Variants in CCDC178 observed in about 807,000 individuals in gnomAD.
CCDC178 encodes coiled-coil domain-containing protein 178.
In CCDC178, 126 loss-of-function variants were observed where a neutral mutation model predicts 117.4. That is an observed-to-expected ratio of 1.07 (90% CI 0.93 to 1.24). The LOEUF is 1.24. CCDC178 is among the 50% of genes most tolerant of loss of function. The probability of loss-of-function intolerance (pLI) is 0.00; values close to 1 mark genes in which losing one functional copy is unlikely to be tolerated. For synonymous variants in CCDC178, 283 were observed against 313.4 expected (o/e 0.90, Z 1.02); for missense variants, 1,030 against 986.9 (o/e 1.04, Z -0.59).
intron 15 of CCDC178, among the ~76,000 whole-genome samples, chr18:33,235,114 A>G (rs2059412112): frequency 6.6e-6 from 1 of 152,140 alleles, no homozygotes; most frequent in Admixed American, 6.6e-5. Flanking sequence ...GAGGTGAACA[A>G]ATAGTAGTTG....
chr18:33,086,847 A>C (rs1299617172), intron 21 of CCDC178, among the ~76,000 whole-genome samples: 1 of 152,020 alleles, frequency 6.6e-6, no homozygotes, highest in Non-Finnish European at 1.5e-5. Context: ...TGTGCATTGT[A>C]GGATGATTAG....
intron 11 of CCDC178, among the ~76,000 whole-genome samples, chr18:33,314,944 T>C (rs2062396313): frequency 6.6e-6 from 1 of 152,178 alleles, no homozygotes; most frequent in African/African-American, 2.4e-5. Flanking sequence ...TTAAAATACA[T>C]GACATCCTGG....
chr18:33,424,805 C>A (rs766551571), intron 2 of CCDC178, among the ~76,000 whole-genome samples: 11 of 152,126 alleles, frequency 7.2e-5, no homozygotes, highest in Non-Finnish European at 4.4e-5. Flanking sequence ...AGAGAGCTAG[C>A]GTAAGACAGC....
At chr18:32,980,312 G>T (rs987020072) in intron 21 of CCDC178, among the ~76,000 whole-genome samples, 2 of 151,810 alleles carry the variant, frequency 1.3e-5, no homozygotes, top group Non-Finnish European at 2.9e-5. Flanking sequence ...GGCCGGGCGC[G>T]GTGGCTCACG....
chr18:32,949,832 C>T (rs1598720445), intron 22 of CCDC178, among the ~76,000 whole-genome samples: 1 of 151,984 alleles, frequency 6.6e-6, no homozygotes, highest in East Asian at 1.9e-4. Context: ...TTTCATATTC[C>T]TATATATATA....
chr18:33,335,949 G>T (rs910082483), intron 9 of CCDC178, among the ~76,000 whole-genome samples: 10 of 152,160 alleles, frequency 6.6e-5, no homozygotes, highest in African/African-American at 2.2e-4. Flanking sequence ...TTTCGTGCCT[G>T]GGTTGAAATT....
intron 8 of CCDC178, 131 bp from the exon 9 acceptor site, chr18:33,346,542 C>CCTTTTAAAAAA (rs2062896703): frequency 2.4e-6 from 1 of 419,980 alleles, no homozygotes; most frequent in Admixed American, 4.4e-5. Context: ...AAATGAATTA[C>CCTTTTAAAAAA]CTTTTAAAAA....
intron 20 of CCDC178, among the ~76,000 whole-genome samples, chr18:33,153,956 A>C (rs571563071): frequency 6.6e-6 from 1 of 152,206 alleles, no homozygotes; most frequent in Non-Finnish European, 1.5e-5. Flanking sequence ...ATTTTGTATC[A>C]CTATATATAA....
At chr18:33,230,670 A>C (rs2059358819) in intron 15 of CCDC178, among the ~76,000 whole-genome samples, 1 of 152,188 alleles carries the variant, frequency 6.6e-6, no homozygotes, top group African/African-American at 2.4e-5. Flanking sequence ...TTACAACGTC[A>C]CAATCACATT....
At chr18:33,398,598 G>T (rs983350441) in intron 3 of CCDC178, among the ~76,000 whole-genome samples, 2 of 151,910 alleles carry the variant, frequency 1.3e-5, no homozygotes, top group African/African-American at 4.8e-5. Flanking sequence ...CTGTATTTTC[G>T]GCAAGTAGCA....
intron 2 of CCDC178, among the ~76,000 whole-genome samples, chr18:33,433,152 G>A (rs996853775): frequency 9.9e-5 from 15 of 152,094 alleles, no homozygotes; most frequent in African/African-American, 2.9e-4. Context: ...TCCCACAGAG[G>A]ATACATCTAA....
At chr18:33,004,361 A>C (rs1161401645) in intron 21 of CCDC178, among the ~76,000 whole-genome samples, 1 of 152,180 alleles carries the variant, frequency 6.6e-6, no homozygotes, top group African/African-American at 2.4e-5. Flanking sequence ...ACTTTTGACA[A>C]AGGTGCCAAG....
intron 21 of CCDC178, among the ~76,000 whole-genome samples, chr18:33,073,504 CATCT>C (rs11468119): frequency 0.33 from 46,474 of 141,892 alleles, 7,381 homozygotes; most frequent in Admixed American, 0.34. Context: ...CTATAGTCAG[CATCT>C]ATCTATCTAT....
At chr18:33,116,420 A>G (rs2057856524) in intron 20 of CCDC178, among the ~76,000 whole-genome samples, 1 of 152,190 alleles carries the variant, frequency 6.6e-6, no homozygotes, top group Non-Finnish European at 1.5e-5. Flanking sequence ...ATAACAAATC[A>G]CTACAAAGTA....
chr18:33,384,248 C>T (rs150902122), intron 5 of CCDC178, among the ~76,000 whole-genome samples: 5 of 152,152 alleles, frequency 3.3e-5, no homozygotes, highest in Admixed American at 1.3e-4. Flanking sequence ...TTAGAGTACC[C>T]GAAAGAGATG....
At chr18:33,245,652 T>C (rs1242922536) in intron 14 of CCDC178, among the ~76,000 whole-genome samples, 2 of 151,830 alleles carry the variant, frequency 1.3e-5, no homozygotes, top group African/African-American at 4.8e-5. Flanking sequence ...TTCAGAAGCA[T>C]AAGAGCATCA....
intron 20 of CCDC178, among the ~76,000 whole-genome samples, chr18:33,152,345 G>T (rs2058350716): frequency 6.6e-6 from 1 of 151,996 alleles, no homozygotes; most frequent in South Asian, 2.1e-4. Context: ...TACAAAAATG[G>T]TCATAATATT....
intron 20 of CCDC178, among the ~76,000 whole-genome samples, chr18:33,116,278 T>C (rs900060148): frequency 1.3e-5 from 2 of 152,124 alleles, no homozygotes; most frequent in African/African-American, 4.8e-5. Flanking sequence ...TAAGAACATA[T>C]GCTTTGGAAG....
intron 21 of CCDC178, among the ~76,000 whole-genome samples, chr18:32,990,435 C>T (rs976404325): frequency 4.0e-5 from 6 of 151,832 alleles, no homozygotes; most frequent in African/African-American, 1.5e-4. Flanking sequence ...AAGTAGAGAG[C>T]CCAGAAGTTC....
Sources: allele counts gnomAD v4.1 joint callset (sites outside exome capture counted in the v4.1 genomes callset), GRCh38; gene constraint gnomAD v4.1.1; transcripts MANE v1.5; gene names NCBI Gene and HGNC (gene_info 2026-07-23, HGNC 2026-07-21).